The following CHST9 variants were observed in gnomAD, a reference collection of about 807,000 sequenced individuals.
CHST9 encodes the protein carbohydrate sulfotransferase 9.
CHST9 carries 41 observed loss-of-function variants against 44.4 expected under a neutral mutation model. The observed-to-expected ratio is 0.92, with a 90% CI of 0.72 to 1.20. The LOEUF (loss-of-function observed/expected upper bound fraction) is 1.20. Ranked by LOEUF, CHST9 falls within the 50% of genes most tolerant of loss-of-function variation. The pLI, the probability that CHST9 is intolerant of heterozygous loss-of-function variation, is 0.00. For missense variants in CHST9, 504 were observed against 516.5 expected (o/e 0.98, Z 0.23); for synonymous variants, 171 against 178.4 (o/e 0.96, Z 0.33).
At chr18:26,928,163 G>A (rs170802) in intron 5 of CHST9, 65,340 of 152,426 alleles carry the variant, frequency 0.43, 14,452 homozygotes, top group East Asian at 0.71. Context: ...TTAGTACAGA[G>A]CAAAATGGAG....
chr18:26,918,873 T>G (rs1226874759), intron 5 of CHST9, among the ~76,000 whole-genome samples: 2 of 152,048 alleles, frequency 1.3e-5, no homozygotes, highest in African/African-American at 4.8e-5. Context: ...TGTATTAGTC[T>G]GTTCTCATGC....
At chr18:27,148,650 T>C (rs895287402) in intron 1 of CHST9, among the ~76,000 whole-genome samples, 10 of 150,976 alleles carry the variant, frequency 6.6e-5, no homozygotes, top group African/African-American at 2.4e-4. Flanking sequence ...CTTAATCCAG[T>C]CTATCAATGT....
intron 4 of CHST9, among the ~76,000 whole-genome samples, chr18:27,003,910 C>T (rs1460697805): frequency 2.6e-5 from 4 of 152,000 alleles, no homozygotes; most frequent in Admixed American, 2.0e-4. Flanking sequence ...TCCCCATTTA[C>T]TTGATCAGTG....
chr18:27,036,683 A>G (rs1359335208), intron 3 of CHST9, among the ~76,000 whole-genome samples: 3 of 152,220 alleles, frequency 2.0e-5, no homozygotes, highest in African/African-American at 7.2e-5. Context: ...CTGGGCCACG[A>G]CATGATTTTT....
intron 2 of CHST9, among the ~76,000 whole-genome samples, chr18:27,087,382 A>G (rs2058023138): frequency 6.6e-6 from 1 of 152,104 alleles, no homozygotes; most frequent in Admixed American, 6.6e-5. Flanking sequence ...ACACTAGCAA[A>G]ATCACCTTTC....
intron 2 of CHST9, among the ~76,000 whole-genome samples, chr18:27,107,248 G>GTC (rs2058229637): frequency 6.6e-6 from 1 of 152,180 alleles, no homozygotes; most frequent in African/African-American, 2.4e-5. Flanking sequence ...AAGAGTTACT[G>GTC]AAGTTTCCGC....
chr18:27,147,511 C>A (rs564606392), intron 1 of CHST9, among the ~76,000 whole-genome samples: 5 of 152,212 alleles, frequency 3.3e-5, no homozygotes, highest in Admixed American at 3.3e-4. Flanking sequence ...CTCTTTCTCC[C>A]CTCCGGTAGC....
At chr18:26,943,176 T>C (rs1015486048) in intron 5 of CHST9, among the ~76,000 whole-genome samples, 5 of 152,214 alleles carry the variant, frequency 3.3e-5, no homozygotes, top group African/African-American at 1.2e-4. Flanking sequence ...ATTTTGCTAT[T>C]TCACAATGAT....
At chr18:27,056,623 C>T (rs986294283) in intron 2 of CHST9, among the ~76,000 whole-genome samples, 1 of 152,134 alleles carries the variant, frequency 6.6e-6, no homozygotes, top group African/African-American at 2.4e-5. Flanking sequence ...CATAACACAA[C>T]AATATTTATA....
intron 2 of CHST9, among the ~76,000 whole-genome samples, chr18:27,084,413 G>T (rs1330614094): frequency 6.7e-6 from 1 of 149,568 alleles, no homozygotes; most frequent in Non-Finnish European, 1.5e-5. Context: ...ATTTCTTGTA[G>T]GTTTTCTAGT....
chr18:27,024,012 A>C lies in CHST9; in HGVS notation c.202+104T>G, dbSNP rs536252398. On this transcript the variant is annotated intron_variant, in intron 4 of 5. Coordinates refer to ENST00000618847, the MANE Select transcript of CHST9 (RefSeq NM_031422.6). The stretch of plus-strand genomic sequence containing the variant: ...TCCTAGGGATGGCTATCATCAGCAG[A>C]ACAGGTGCTTAAAAGCCACACTCTG... The C allele has an allele frequency of 8.2e-6, 9 of 1,099,258 alleles. No individual in the cohort carries two copies. In the Admixed American group the frequency reaches 1.8e-4, roughly 22 times the overall value. The allele number at this position is 1,099,258 out of a possible 1,614,324, so 68.1% of individuals were successfully genotyped here. A position where few individuals can be genotyped will look rare whatever the true frequency, so the allele number is the denominator to read the frequency against.
chr18:27,096,293 G>A (rs1479949086), intron 2 of CHST9, among the ~76,000 whole-genome samples: 1 of 151,578 alleles, frequency 6.6e-6, no homozygotes, highest in Non-Finnish European at 1.5e-5. Flanking sequence ...GCAGTGTTAA[G>A]AGGAAAGTTT....
intron 3 of CHST9, among the ~76,000 whole-genome samples, chr18:27,045,039 G>C (rs1369755282): frequency 4.2e-5 from 6 of 143,566 alleles, no homozygotes; most frequent in African/African-American, 1.6e-4. Flanking sequence ...TTCACCTTTT[G>C]AGTTGAGAAA....
chr18:27,060,528 A>C (rs1335045956), intron 2 of CHST9, among the ~76,000 whole-genome samples: 1 of 152,148 alleles, frequency 6.6e-6, no homozygotes, highest in African/African-American at 2.4e-5. Flanking sequence ...AATGTTGAAA[A>C]GAGGGTCCCA....
chr18:26,975,396 C>G lies in CHST9; in HGVS notation c.203-31030G>C, dbSNP rs142156353. On this transcript the variant is annotated intron_variant, in intron 4 of 5. Coordinates refer to ENST00000618847, the MANE Select transcript of CHST9 (RefSeq NM_031422.6). ...CACCCAAATAATGTACAGTGTACTCCTTACATAATACCTCATTGTCTGGCC... is the reference window on the plus strand; with the variant it reads ...CACCCAAATAATGTACAGTGTACTCGTTACATAATACCTCATTGTCTGGCC... Among the ~76,000 whole-genome samples the G allele has an allele frequency of 9.3e-3, 1,413 of 152,050 alleles. 22 individuals carry two copies. The highest frequency in any genetic ancestry group is 0.033 in the African/African-American group (1,351 of 41,460).
intron 3 of CHST9, among the ~76,000 whole-genome samples, chr18:27,033,476 T>C (rs1030072755): frequency 2.0e-5 from 3 of 152,224 alleles, no homozygotes; most frequent in African/African-American, 7.2e-5. Flanking sequence ...CAATATTTCC[T>C]AGTTGCAGGT....
chr18:27,020,985 T>A (rs2143450949), intron 4 of CHST9, among the ~76,000 whole-genome samples: 1 of 152,324 alleles, frequency 6.6e-6, no homozygotes, highest in South Asian at 2.1e-4. Flanking sequence ...TTAGACTTGG[T>A]GCTAAAGGTG....
At chr18:27,046,263 T>C (rs2057498695) in intron 3 of CHST9, among the ~76,000 whole-genome samples, 1 of 152,076 alleles carries the variant, frequency 6.6e-6, no homozygotes, top group African/African-American at 2.4e-5. Context: ...GCTTTCATCT[T>C]AGTGCAAGAC....
chr18:26,983,505 T>C (rs1208971012), intron 4 of CHST9, among the ~76,000 whole-genome samples: 4 of 152,132 alleles, frequency 2.6e-5, no homozygotes, highest in East Asian at 1.9e-4. Context: ...CCTTTTGCCA[T>C]GAAAAACAGC....
Sources: gnomAD v4.1 joint callset for allele counts (sites outside exome capture counted in the v4.1 genomes callset) on GRCh38, gnomAD v4.1.1 for gene constraint, MANE v1.5 for transcripts, NCBI Gene and HGNC (gene_info 2026-07-23, HGNC 2026-07-21) for gene names.